TXLNG: variants seen among roughly 807,000 people sequenced by gnomAD.
TXLNG encodes the protein gamma-taxilin.
A neutral mutation model predicts 38.8 loss-of-function variants in TXLNG; 5 were observed. That is an observed-to-expected ratio of 0.13 (90% confidence interval 0.07 to 0.27). The LOEUF (loss-of-function observed/expected upper bound fraction) is 0.27, where lower values mean the gene tolerates loss of function less well. TXLNG is among the 10% of genes least tolerant of loss of function. The pLI is 1.00. For missense variants in TXLNG, 393 were observed against 398.2 expected, an observed-to-expected ratio of 0.99 and a Z score of 0.11; for synonymous variants, 182 against 158.2, an observed-to-expected ratio of 1.15 and a Z score of -1.13.
chrX:16,795,799 A>T (rs1163262925), intron 1 of TXLNG, among the ~76,000 whole-genome samples: 1 of 109,105 alleles, frequency 9.2e-6, no homozygotes, highest in Non-Finnish European at 1.9e-5. Flanking sequence ...GCCCATTTAT[A>T]GTGTATAATT....
intron 1 of TXLNG, among the ~76,000 whole-genome samples, chrX:16,810,510 A>C (rs761972386): frequency 2.7e-4 from 30 of 112,076 alleles, no homozygotes; most frequent in Non-Finnish European, 5.3e-4. Flanking sequence ...CTGTGGTTTG[A>C]ATCAAGTCCT....
chrX:16,797,226 G>T (rs887723815), intron 1 of TXLNG, among the ~76,000 whole-genome samples: 3 of 107,692 alleles, frequency 2.8e-5, no homozygotes, highest in Non-Finnish European at 5.7e-5. Flanking sequence ...GGAGGTTGCA[G>T]TGAGCCGAGA....
intron 1 of TXLNG, among the ~76,000 whole-genome samples, chrX:16,806,325 C>T (rs1226438922): frequency 1.8e-5 from 2 of 112,540 alleles, no homozygotes; most frequent in Non-Finnish European, 3.7e-5. Context: ...TTCACTATTT[C>T]CTCATCCATT....
intron 7 of TXLNG, among the ~76,000 whole-genome samples, chrX:16,835,926 G>GAC (rs1471096254): frequency 8.9e-6 from 1 of 112,500 alleles, no homozygotes; most frequent in African/African-American, 3.2e-5. Context: ...GGCCAGCACT[G>GAC]AACTCTCACA....
chrX:16,842,942 A>G lies in TXLNG; in HGVS notation c.*1176A>G, dbSNP rs1458535436. Reference sequence around the variant, plus strand: ...AAAAAGAAAAGCCACAGTATTATCAAGGTCTCTACACTTGGACTGGGGGAA... The same window carrying G: ...AAAAAGAAAAGCCACAGTATTATCAGGGTCTCTACACTTGGACTGGGGGAA... On this transcript the variant is annotated 3_prime_UTR_variant, in exon 10 of 10. Coordinates refer to ENST00000380122, the MANE Select transcript of TXLNG (RefSeq NM_018360.3). 4.5e-5 allele frequency: 5 copies of G among 112,181 alleles called. No individual in the cohort carries two copies. In the East Asian group the frequency reaches 1.1e-3, roughly 25 times the overall value. 9.2% of individuals were successfully genotyped at this position (112,181 alleles called of 1,213,427 possible).
chrX:16,838,217 A>G (rs953342960), intron 8 of TXLNG, among the ~76,000 whole-genome samples: 3 of 111,962 alleles, frequency 2.7e-5, no homozygotes, highest in African/African-American at 9.7e-5. Context: ...AAGGAAAGAG[A>G]TATCCTTGAG....
At chrX:16,833,949 T>C (rs1929503402) in intron 6 of TXLNG, among the ~76,000 whole-genome samples, 1 of 112,345 alleles carries the variant, frequency 8.9e-6, no homozygotes, top group Non-Finnish European at 1.9e-5. Context: ...CCAGATAATA[T>C]CAAGATTATC....
intron 9 of TXLNG, among the ~76,000 whole-genome samples, chrX:16,841,112 C>G (rs1443598337): frequency 9.2e-6 from 1 of 108,903 alleles, no homozygotes; most frequent in Non-Finnish European, 1.9e-5. Flanking sequence ...GGAGAATCAC[C>G]TCAACCCAGG....
intron 4 of TXLNG, among the ~76,000 whole-genome samples, chrX:16,829,083 A>G (rs774717737): frequency 8.8e-4 from 99 of 111,946 alleles, no homozygotes; most frequent in African/African-American, 3.1e-3. Flanking sequence ...AACAGTTCAG[A>G]CATGTAAAGG....
intron 3 of TXLNG, among the ~76,000 whole-genome samples, chrX:16,824,109 C>T (rs1490691260): frequency 1.8e-5 from 2 of 111,981 alleles, no homozygotes; most frequent in Non-Finnish European, 3.8e-5. Flanking sequence ...GTAGCTCAGC[C>T]CTGTAGCATC....
At chrX:16,803,790 A>G (rs1928209194) in intron 1 of TXLNG, among the ~76,000 whole-genome samples, 1 of 109,165 alleles carries the variant, frequency 9.2e-6, no homozygotes, top group Non-Finnish European at 1.9e-5. Context: ...CGTCTTTACT[A>G]AAAATACAAA....
chrX:16,818,902 C>G, intron 2 of TXLNG, 25 bp downstream of exon 2: 1 of 1,163,669 alleles, frequency 8.6e-7, no homozygotes, highest in Non-Finnish European at 1.1e-6. Context: ...AGTGGTTGGA[C>G]GTTTCACATG....
intron 1 of TXLNG, among the ~76,000 whole-genome samples, chrX:16,810,609 A>G (rs1928476461): frequency 8.9e-6 from 1 of 112,468 alleles, no homozygotes; most frequent in Non-Finnish European, 1.9e-5. Flanking sequence ...CCCCAATACC[A>G]CATCAAAATT....
intron 1 of TXLNG, 108 bp from the exon 2 acceptor site, chrX:16,818,466 A>G: frequency 2.1e-6 from 2 of 953,566 alleles, no homozygotes; most frequent in East Asian, 6.3e-5. Context: ...TTTGCAAACC[A>G]CTAAGGAAGA....
chrX:16,798,784 C>T (rs776177352), intron 1 of TXLNG, among the ~76,000 whole-genome samples: 17 of 110,730 alleles, frequency 1.5e-4, no homozygotes, highest in African/African-American at 5.2e-4. Context: ...CAGGTTCTCA[C>T]TATGGCTGGT....
intron 1 of TXLNG, among the ~76,000 whole-genome samples, chrX:16,798,911 C>T (rs764819719): frequency 1.8e-4 from 20 of 108,276 alleles, no homozygotes; most frequent in African/African-American, 6.1e-4. Context: ...GACGGAGTTT[C>T]GCTCGTTTCC....
intron 3 of TXLNG, among the ~76,000 whole-genome samples, chrX:16,821,932 T>C (rs1253902794): frequency 1.8e-5 from 2 of 108,976 alleles, no homozygotes; most frequent in African/African-American, 6.7e-5. Context: ...AGGCAGAGCT[T>C]GCAGTGAGCC....
At chrX:16,834,826 A>G (rs974263447) in intron 7 of TXLNG, among the ~76,000 whole-genome samples, 6 of 112,814 alleles carry the variant, frequency 5.3e-5, no homozygotes, top group African/African-American at 1.6e-4. Context: ...GCAATTTCAT[A>G]TAGTGAACTC....
chrX:16,842,150 G>GCC lies in TXLNG; in HGVS notation c.*394_*395dup, dbSNP rs3833411. On this transcript the variant is annotated 3_prime_UTR_variant, in exon 10 of 10. Transcript: ENST00000380122. Reference sequence around the variant, plus strand: ...AAACAATATTAATTTAAACGTCTTAGCCCCCCCCCCCATAATATTATTCAG... The same window carrying GCC: ...AAACAATATTAATTTAAACGTCTTAGCCCCCCCCCCCCCATAATATTATTCAG... The GCC allele has an allele frequency of 5.3e-4, 51 of 96,796 alleles. No individual in the cohort carries two copies. In the South Asian group the frequency reaches 9.9e-3, roughly 19 times the overall value. 8.0% of individuals were successfully genotyped at this position (96,796 alleles called of 1,213,427 possible). A position where few individuals can be genotyped will look rare whatever the true frequency, so the allele number is the denominator to read the frequency against.
Sources: gnomAD v4.1 joint callset for allele counts (sites outside exome capture counted in the v4.1 genomes callset) on GRCh38, gnomAD v4.1.1 for gene constraint, MANE v1.5 for transcripts, NCBI Gene and HGNC (gene_info 2026-07-23, HGNC 2026-07-21) for gene names.